ITPK1: variants seen among roughly 807,000 people sequenced by gnomAD.
ITPK1 encodes inositol 1,3,4-trisphosphate 5/6-kinase.
Under a neutral mutation model 45.3 loss-of-function variants are expected in ITPK1, and 21 were observed. The ratio of observed to expected loss-of-function variants is 0.46; its 90% CI spans 0.33 to 0.67. ITPK1 has a LOEUF of 0.67. Ranked by LOEUF, ITPK1 falls within the 30% of genes least tolerant of loss-of-function variation. The probability of loss-of-function intolerance (pLI) is 0.02; values close to 1 mark genes in which losing one functional copy is unlikely to be tolerated. For synonymous variants in ITPK1, 258 were observed against 253.6 expected (o/e 1.02, Z -0.16); for missense variants, 474 against 573.5 (o/e 0.83, Z 1.77).
chr14:92,945,965 C>G (rs945337891), intron 10 of ITPK1, among the ~76,000 whole-genome samples: 2 of 152,202 alleles, frequency 1.3e-5, no homozygotes, highest in African/African-American at 4.8e-5. Flanking sequence ...CCTCAGTTTC[C>G]CAACATGTAA....
rs1015589719 is a variant in ITPK1 at position 93,034,956 on chromosome 14, G to A, written c.121-18155C>T. ...AGCCCCACCCCAGGTAGCACTGACG[G>A]GCCTGGCCTCTGGGCACCTGCACCT... is the stretch of plus-strand genomic sequence containing the variant. On this transcript the variant is annotated intron_variant, in intron 3 of 10. Coordinates refer to ENST00000267615, the MANE Select transcript of ITPK1 (RefSeq NM_014216.6). The surrounding 1 kb of genome is among the most constrained non-coding windows in gnomAD (Gnocchi z 4.1). Among the ~76,000 whole-genome samples, 1 of 152,236 alleles carries A rather than the reference G, an allele frequency of 6.6e-6. No individual in the cohort carries two copies. Among genetic ancestry groups the A allele is most frequent in the African/African-American group, 2.4e-5 (1 of 41,456 alleles).
At chr14:92,943,321 G>A (rs1449509533) in intron 10 of ITPK1, among the ~76,000 whole-genome samples, 1 of 152,196 alleles carries the variant, frequency 6.6e-6, no homozygotes, top group East Asian at 1.9e-4. Flanking sequence ...TCAGCCCACC[G>A]CACCCCTGCA....
At chr14:93,074,821 T>G (rs1049750380) in intron 3 of ITPK1, among the ~76,000 whole-genome samples, 5 of 152,114 alleles carry the variant, frequency 3.3e-5, no homozygotes, top group African/African-American at 1.2e-4. Flanking sequence ...TCTAACCCCG[T>G]GATGAGATGA....
chr14:92,980,735 G>A (rs967796109), intron 5 of ITPK1, among the ~76,000 whole-genome samples: 22 of 152,116 alleles, frequency 1.4e-4, no homozygotes, highest in African/African-American at 5.3e-4. Context: ...GAGTGCAGTG[G>A]TGCGATCTTG....
chr14:92,978,568 G>T (rs1327261070), intron 5 of ITPK1, among the ~76,000 whole-genome samples: 1 of 151,942 alleles, frequency 6.6e-6, no homozygotes, highest in Non-Finnish European at 1.5e-5. Flanking sequence ...TGTTTTGTGG[G>T]CTGGGCTCAG....
chr14:93,093,323 C>T (rs1169305594), intron 2 of ITPK1, among the ~76,000 whole-genome samples: 1 of 152,236 alleles, frequency 6.6e-6, no homozygotes, highest in East Asian at 1.9e-4. Flanking sequence ...CCTGCCCCAG[C>T]GGCCAGGCCG....
chr14:93,041,977 G>A (rs1257680460), intron 3 of ITPK1, among the ~76,000 whole-genome samples: 2 of 152,172 alleles, frequency 1.3e-5, no homozygotes, highest in Non-Finnish European at 2.9e-5. Flanking sequence ...GTCCCCCGCG[G>A]TGTCTAATCC....
At chr14:93,047,223 C>A (rs757176114) in intron 3 of ITPK1, among the ~76,000 whole-genome samples, 7 of 152,116 alleles carry the variant, frequency 4.6e-5, no homozygotes, top group Non-Finnish European at 1.0e-4. Context: ...GTTTAAGCCA[C>A]GTAACTCCAG....
intron 2 of ITPK1, among the ~76,000 whole-genome samples, chr14:93,108,968 G>A (rs943468685): frequency 2.6e-5 from 4 of 152,178 alleles, no homozygotes; most frequent in African/African-American, 4.8e-5. Flanking sequence ...AGCCAAGATC[G>A]TGCCACTGCA....
intron 2 of ITPK1, among the ~76,000 whole-genome samples, chr14:93,081,942 C>A (rs747175784): frequency 2.6e-5 from 4 of 152,158 alleles, no homozygotes; most frequent in Non-Finnish European, 5.9e-5. Context: ...AATCCTCATT[C>A]GAGGCCCACC....
chr14:92,976,700 AGCAAT>A (rs761387187), intron 5 of ITPK1, among the ~76,000 whole-genome samples: 127 of 152,406 alleles, frequency 8.3e-4, no homozygotes, highest in Non-Finnish European at 1.4e-3. Flanking sequence ...TCATCTTTAT[AGCAAT>A]GCCATAGCAC....
chr14:93,040,679 TC>T (rs1051077963), intron 3 of ITPK1, among the ~76,000 whole-genome samples: 1 of 151,280 alleles, frequency 6.6e-6, no homozygotes, highest in Non-Finnish European at 1.5e-5. Flanking sequence ...TGCCCCCCTC[TC>T]CCCCCCGCAG....
chr14:92,948,482 G>C (rs899753360), intron 9 of ITPK1, among the ~76,000 whole-genome samples: 5 of 152,138 alleles, frequency 3.3e-5, no homozygotes, highest in African/African-American at 1.2e-4. Context: ...GACTACAGGC[G>C]TGTGCCACCA....
At chr14:92,945,263 C>A (rs1887628507) in intron 10 of ITPK1, among the ~76,000 whole-genome samples, 1 of 152,250 alleles carries the variant, frequency 6.6e-6, no homozygotes, top group Admixed American at 6.5e-5. Flanking sequence ...CTCCTCTGAG[C>A]CTTGGCTTCC....
intron 7 of ITPK1, among the ~76,000 whole-genome samples, 156 bp downstream of exon 7, chr14:92,962,199 G>A (rs1734238729): frequency 6.6e-6 from 1 of 152,196 alleles, no homozygotes; most frequent in African/African-American, 2.4e-5. Flanking sequence ...CGATTCCTCT[G>A]GAGTCCAGGG....
intron 4 of ITPK1, among the ~76,000 whole-genome samples, chr14:93,004,630 G>A (rs896035408): frequency 1.3e-5 from 2 of 152,048 alleles, no homozygotes; most frequent in African/African-American, 4.8e-5. Context: ...GTGTGTGTGT[G>A]CGTGCGTGTG....
chr14:92,941,656 G>C lies in ITPK1; in HGVS notation c.1150C>G (p.Leu384Val). Residue 384 changes from leucine to valine, a missense_variant, in exon 11 of 11, where the codon CTG becomes GTG. Coordinates refer to ENST00000267615, the MANE Select transcript of ITPK1 (RefSeq NM_014216.6). ...TTGCAGCCGAGTCTCTGGTGCGGCA[G>C]CTTGGCGGTGCCGCCCGCGTCGGCC... ...AEADAGGTAK[L>V]PHQRLGCNAG... 6.5e-7 allele frequency: 1 copy of C among 1,540,212 alleles called. No homozygotes were observed. The highest frequency in any genetic ancestry group is 8.7e-7 in the Non-Finnish European group (1 of 1,145,274).
At chr14:92,997,267 G>A (rs913558840) in intron 4 of ITPK1, among the ~76,000 whole-genome samples, 24 of 152,194 alleles carry the variant, frequency 1.6e-4, no homozygotes, top group Admixed American at 5.2e-4. Context: ...AAATGAGGGC[G>A]ATTCTGATTC....
In ITPK1 at chr14:93,012,087, C is replaced by T. The variant is rs1459865253; in HGVS notation, c.246+4589G>A. Among the ~76,000 whole-genome samples, 1 of 152,182 alleles carries T rather than the reference C, an allele frequency of 6.6e-6. No homozygotes were observed. The highest frequency in any genetic ancestry group is 1.5e-5 in the Non-Finnish European group (1 of 68,038). ...GCCCAGCAGAGCCACGTCCTCCCTC[C>T]GCAAGGCCATCAGGGCACCCCATGA... On this transcript the variant is annotated intron_variant, in intron 4 of 10. Transcript: ENST00000267615. The surrounding 1 kb of genome is among the most constrained non-coding windows in gnomAD (Gnocchi z 4.9).
Sources: gnomAD v4.1 joint callset for allele counts (sites outside exome capture counted in the v4.1 genomes callset) on GRCh38, gnomAD v4.1.1 for gene constraint, Gnocchi (gnomAD v3.1) non-coding constraint, MANE v1.5 for transcripts, NCBI Gene and HGNC (gene_info 2026-07-23, HGNC 2026-07-21) for gene names.